FRAS1: variants seen among roughly 807,000 people sequenced by gnomAD.
The protein encoded by FRAS1 is extracellular matrix organizing protein FRAS1.
FRAS1 carries 290 observed loss-of-function variants against 435.2 expected under a neutral mutation model. The ratio of observed to expected loss-of-function variants is 0.67; its 90% CI spans 0.61 to 0.73. The LOEUF (loss-of-function observed/expected upper bound fraction) is 0.73, where lower values mean the gene tolerates loss of function less well. FRAS1 is among the 30% of genes least tolerant of loss of function. The pLI is 0.00. For synonymous variants in FRAS1, 1,800 were observed against 1,851.0 expected, an observed-to-expected ratio of 0.97 and a Z score of 0.71; for missense variants, 4,860 against 5,001.5, an observed-to-expected ratio of 0.97 and a Z score of 0.85.
Position 78,421,875 on chromosome 4 carries a change from A to T in FRAS1, c.4553A>T (p.His1518Leu), listed in dbSNP as rs1487607784. 5 of 1,613,876 alleles carry T rather than the reference A, an allele frequency of 3.1e-6. No individual in the cohort carries two copies. Among genetic ancestry groups the T allele is most frequent in the Non-Finnish European group, 4.2e-6 (5 of 1,179,804 alleles). Residue 1518 changes from histidine to leucine, a missense_variant, in exon 34 of 74, where the codon CAC becomes CTC. Physicochemically the swap from His to Leu is moderately conservative, Grantham distance 99 (BLOSUM62 -3). Coordinates refer to ENST00000512123, the MANE Select transcript of FRAS1 (RefSeq NM_025074.7). Reference sequence around the variant, plus strand: ...CTCTTCCTCCCAGGTATCATCGAGCACCGGGACCACCCTCACTCTCCTATC... The same window carrying T: ...CTCTTCCTCCCAGGTATCATCGAGCTCCGGGACCACCCTCACTCTCCTATC... ...PLHPNQGIIE[H>L]RDHPHSPIRY...
At chr4:78,138,412 A>T (rs898193172) in intron 2 of FRAS1, among the ~76,000 whole-genome samples, 2 of 152,204 alleles carry the variant, frequency 1.3e-5, no homozygotes, top group Non-Finnish European at 2.9e-5. Context: ...ATCAGGGAAA[A>T]GTAACCTAGG....
intron 2 of FRAS1, among the ~76,000 whole-genome samples, chr4:78,083,629 T>TC (rs1311869301): frequency 2.7e-3 from 405 of 149,390 alleles, no homozygotes; most frequent in African/African-American, 9.2e-3. Flanking sequence ...AAGTTCTGTT[T>TC]TTTTTTTTTT....
intron 22 of FRAS1, among the ~76,000 whole-genome samples, chr4:78,367,870 T>G (rs1464238529): frequency 6.6e-6 from 1 of 152,218 alleles, no homozygotes. Context: ...TATTTAAATA[T>G]TATTGACATG....
chr4:78,118,717 C>G (rs1339741871), intron 2 of FRAS1, among the ~76,000 whole-genome samples: 1 of 152,178 alleles, frequency 6.6e-6, no homozygotes, highest in East Asian at 1.9e-4. Flanking sequence ...TGCTGTCTGT[C>G]AACCCTTTCT....
intron 2 of FRAS1, among the ~76,000 whole-genome samples, chr4:78,135,590 A>T (rs1719886094): frequency 6.6e-6 from 1 of 152,226 alleles, no homozygotes. Flanking sequence ...TCATGTCAGG[A>T]GTCTAGGTCA....
At chr4:78,412,937 T>A in intron 31 of FRAS1, 32 bp from the exon 32 acceptor site, 1 of 1,403,230 alleles carries the variant, frequency 7.1e-7, no homozygotes, top group Non-Finnish European at 9.9e-7. Flanking sequence ...CAATAGAAGA[T>A]GAGAGGCTCA....
chr4:78,482,188 A>T (rs1720031453), intron 57 of FRAS1, among the ~76,000 whole-genome samples, 200 bp from the exon 58 acceptor site: 1 of 152,224 alleles, frequency 6.6e-6, no homozygotes, highest in South Asian at 2.1e-4. Context: ...CAGATTCAGG[A>T]TATAAACTAT....
chr4:78,371,729 T>G (rs1731518669), intron 23 of FRAS1, among the ~76,000 whole-genome samples: 1 of 152,194 alleles, frequency 6.6e-6, no homozygotes, highest in African/African-American at 2.4e-5. Flanking sequence ...CCATCTTCCA[T>G]GCAGGTAGCA....
At chr4:78,231,230 C>T (rs1418236900) in intron 2 of FRAS1, among the ~76,000 whole-genome samples, 3 of 152,012 alleles carry the variant, frequency 2.0e-5, no homozygotes, top group Non-Finnish European at 2.9e-5. Flanking sequence ...GCTGGGATTA[C>T]AGGCGTGAGC....
intron 33 of FRAS1, among the ~76,000 whole-genome samples, chr4:78,421,456 T>G (rs1222395880): frequency 2.0e-5 from 3 of 152,126 alleles, no homozygotes; most frequent in African/African-American, 7.2e-5. Flanking sequence ...CCTCCCTGCC[T>G]TATATTCTAG....
chr4:78,372,957 G>C (rs776896083), intron 24 of FRAS1, 99 bp downstream of exon 24: 94 of 1,324,740 alleles, frequency 7.1e-5, no homozygotes, highest in Non-Finnish European at 9.2e-5. Context: ...TCCCCTTCTG[G>C]CTTTTTACCC....
At position 78,511,184 on chromosome 4, in the gene FRAS1, A is replaced by C. The variant is rs1299640184; in HGVS notation, c.9781-90A>C. ...GAAAAATCAATGGATGGGTGGATGG[A>C]TGATCTTTACAGATTAACTTGAACC... is the stretch of plus-strand genomic sequence containing the variant. On this transcript the variant is annotated intron_variant, in intron 63 of 73. Coordinates refer to ENST00000512123, the MANE Select transcript of FRAS1 (RefSeq NM_025074.7). 2.9e-6 allele frequency: 3 copies of C among 1,041,438 alleles called. No individual in the cohort carries two copies. The East Asian group carries it at 7.3e-5, about 25-fold the overall frequency. 64.5% of individuals were successfully genotyped at this position (1,041,438 alleles called of 1,614,324 possible). A position where few individuals can be genotyped will look rare whatever the true frequency, so the allele number is the denominator to read the frequency against.
chr4:78,479,420 G>C lies in FRAS1; in HGVS notation c.8145G>C (p.Lys2715Asn). 1 of 1,560,720 alleles carries C rather than the reference G, an allele frequency of 6.4e-7. No homozygotes were observed. Among genetic ancestry groups the C allele is most frequent in the Non-Finnish European group, 8.7e-7 (1 of 1,149,598 alleles). The change falls in exon 56 of 74, where the codon AAG becomes AAC. Residue 2715 changes from lysine (K) to asparagine (N), a missense_variant. Physicochemically the swap from Lys to Asn is moderately conservative, Grantham distance 94. Coordinates refer to ENST00000512123, the MANE Select transcript of FRAS1 (RefSeq NM_025074.7). Reference sequence around the variant, plus strand: ...CTGCAATTTGCTACACAGTCCCTAAGTCAGCTATGGGAAGTAGCCTCTATG... The same window carrying C: ...CTGCAATTTGCTACACAGTCCCTAACTCAGCTATGGGAAGTAGCCTCTATG... ...IVSAICYTVP[K>N]SAMGSSLYAL...
intron 2 of FRAS1, among the ~76,000 whole-genome samples, chr4:78,126,792 T>G (rs184068863): frequency 1.3e-5 from 2 of 152,198 alleles, no homozygotes; most frequent in Admixed American, 1.3e-4. Flanking sequence ...AAGAAAGTGT[T>G]ATTGATATAG....
intron 27 of FRAS1, among the ~76,000 whole-genome samples, chr4:78,383,619 G>A (rs1732106162): frequency 6.6e-6 from 1 of 152,104 alleles, no homozygotes; most frequent in Non-Finnish European, 1.5e-5. Flanking sequence ...GTTACTAGGG[G>A]CCCACTCACA....
chr4:78,332,969 C>T (rs972715186), intron 18 of FRAS1, among the ~76,000 whole-genome samples: 3 of 152,182 alleles, frequency 2.0e-5, no homozygotes, highest in African/African-American at 7.2e-5. Context: ...TTTCTGGCTT[C>T]CTGTTTTTTA....
rs200053639 is a variant in FRAS1, at chr4:78,265,062, C to T, written c.641C>T (p.Pro214Leu). ...TVVRVPGKCCPQCSARSCSAA... is the reference protein window; with the variant it reads ...TVVRVPGKCCLQCSARSCSAA... ...GTCCGAGTCCCTGGAAAATGTTGCC[C>T]GCAGTGCTCTGCAAGATCCTGCTCT... is the stretch of plus-strand genomic sequence containing the variant. The change falls in exon 7 of 74, where the codon CCG becomes CTG. Residue 214 changes from proline (P) to leucine (L), a missense_variant. Physicochemically the swap from Pro to Leu is moderately conservative, Grantham distance 98 (BLOSUM62 -3). Coordinates refer to ENST00000512123, the MANE Select transcript of FRAS1 (RefSeq NM_025074.7). 9.2e-4 allele frequency: 1,489 copies of T among 1,613,026 alleles called. 3 individuals are homozygous for T. The highest frequency in any genetic ancestry group is 1.0e-3 in the Non-Finnish European group (1,185 of 1,179,276).
chr4:78,081,878 T>C (rs1430491118), intron 2 of FRAS1, among the ~76,000 whole-genome samples: 1 of 152,138 alleles, frequency 6.6e-6, no homozygotes, highest in Non-Finnish European at 1.5e-5. Context: ...TCTCCTTCCT[T>C]ACGCCATATC....
rs190483418 is a variant in FRAS1, at chr4:78,479,616, C to T, written c.8341C>T (p.Arg2781Cys). The change falls in exon 56 of 74, where the codon CGC becomes TGC. Residue 2781 changes from arginine to cysteine, a missense_variant. Transcript: ENST00000512123. ...IALADASDNARIGRVATAKVL... is the reference protein window; with the variant it reads ...IALADASDNACIGRVATAKVL... ...CTTGGCAGATGCCTCTGACAATGCC[C>T]GCATTGGAAGGGTGGCGACAGCCAA... 5.5e-5 allele frequency: 88 copies of T among 1,613,862 alleles called. 1 individual carries two copies. The African/African-American group carries it at 6.9e-4, about 13-fold the overall frequency.
Sources: gnomAD v4.1 joint callset for allele counts (sites outside exome capture counted in the v4.1 genomes callset) on GRCh38, gnomAD v4.1.1 for gene constraint, MANE v1.5 for transcripts, NCBI Gene and HGNC (gene_info 2026-07-23, HGNC 2026-07-21) for gene names.